Variants in PSMD11 observed in about 807,000 individuals in gnomAD.
PSMD11 encodes proteasome 26S subunit, non-ATPase 11, also known as 26S proteasome non-ATPase regulatory subunit 11.
PSMD11 carries 5 observed loss-of-function variants against 62.3 expected under a neutral mutation model. The observed-to-expected ratio is 0.08, with a 90% CI of 0.04 to 0.17. The LOEUF (loss-of-function observed/expected upper bound fraction) is 0.17. PSMD11 is among the 10% of genes least tolerant of loss of function. PSMD11 has a pLI of 1.00. For missense variants in PSMD11, 310 were observed against 512.9 expected (o/e 0.60, Z 3.82); for synonymous variants, 191 against 191.8 (o/e 1.00, Z 0.03).
At chr17:32,451,513 G>A (rs992236231) in intron 2 of PSMD11, among the ~76,000 whole-genome samples, 3 of 152,140 alleles carry the variant, frequency 2.0e-5, no homozygotes, top group Admixed American at 2.0e-4. Flanking sequence ...GGAAGATGAG[G>A]CAAATGTTAT....
chr17:32,473,737 C>T, intron 6 of PSMD11, 64 bp from the exon 7 acceptor site: 1 of 1,567,288 alleles, frequency 6.4e-7, no homozygotes, highest in Non-Finnish European at 8.7e-7. Context: ...AGCTGCCTCC[C>T]AGCTCTGATC....
chr17:32,464,666 AT>A, intron 5 of PSMD11, 88 bp downstream of exon 5: 1 of 1,000,546 alleles, frequency 1.0e-6, no homozygotes, highest in Non-Finnish European at 1.5e-6. Context: ...CCTGTTAATA[AT>A]TTATATTCTA....
At chr17:32,449,002 G>C (rs995319061) in intron 2 of PSMD11, among the ~76,000 whole-genome samples, 2 of 152,176 alleles carry the variant, frequency 1.3e-5, no homozygotes, top group Admixed American at 6.5e-5. Flanking sequence ...TTGTCTGTCA[G>C]TTAATTTGAG....
intron 3 of PSMD11, among the ~76,000 whole-genome samples, chr17:32,457,824 G>A (rs1210345488): frequency 2.0e-5 from 3 of 146,890 alleles, no homozygotes; most frequent in Admixed American, 6.8e-5. Flanking sequence ...TCCCCGAGAT[G>A]GAGTCTTGCT....
intron 5 of PSMD11, among the ~76,000 whole-genome samples, chr17:32,468,626 A>G (rs1908066425): frequency 6.6e-6 from 1 of 152,210 alleles, no homozygotes; most frequent in South Asian, 2.1e-4. Flanking sequence ...CTAGTGCCCC[A>G]GTGTTTCTTA....
chr17:32,446,562 AAT>A (rs1907336641), intron 1 of PSMD11, among the ~76,000 whole-genome samples: 1 of 152,224 alleles, frequency 6.6e-6, no homozygotes, highest in Non-Finnish European at 1.5e-5. Context: ...AGGCATGTTT[AAT>A]ATCTTCCCAT....
chr17:32,451,102 CT>C (rs1246826357), intron 2 of PSMD11, among the ~76,000 whole-genome samples: 1 of 144,762 alleles, frequency 6.9e-6, no homozygotes, highest in African/African-American at 2.6e-5. Context: ...GCCTGGGTGA[CT>C]GAGTGAGGCT....
At chr17:32,477,631 C>A in intron 9 of PSMD11, 48 bp downstream of exon 9, 1 of 1,455,480 alleles carries the variant, frequency 6.9e-7, no homozygotes, top group Non-Finnish European at 9.5e-7. Context: ...AAGAGAGGGA[C>A]GTTTAAGTAC....
chr17:32,448,355 C>A (rs1907389798), intron 2 of PSMD11, among the ~76,000 whole-genome samples: 1 of 145,458 alleles, frequency 6.9e-6, no homozygotes, highest in South Asian at 2.2e-4. Context: ...GTGCTATGAA[C>A]TTTTTTTTTT....
chr17:32,448,655 G>A (rs896410800), intron 2 of PSMD11, among the ~76,000 whole-genome samples: 1 of 152,122 alleles, frequency 6.6e-6, no homozygotes, highest in Non-Finnish European at 1.5e-5. Context: ...TTACAGGTGT[G>A]AGCCACTGCA....
chr17:32,472,963 C>T (rs1289107410), intron 6 of PSMD11, among the ~76,000 whole-genome samples: 2 of 151,086 alleles, frequency 1.3e-5, no homozygotes, highest in Non-Finnish European at 3.0e-5. Flanking sequence ...CAAGACTAGC[C>T]TGGCGAACAT....
chr17:32,449,812 ATGTC>A (rs1206122805), intron 2 of PSMD11, among the ~76,000 whole-genome samples: 1 of 152,206 alleles, frequency 6.6e-6, no homozygotes, highest in East Asian at 1.9e-4. Flanking sequence ...AACAGAAAAT[ATGTC>A]TGTTCCATTA....
At chr17:32,461,799 C>A (rs1273841891) in intron 3 of PSMD11, among the ~76,000 whole-genome samples, 2 of 152,140 alleles carry the variant, frequency 1.3e-5, no homozygotes, top group African/African-American at 4.8e-5. Flanking sequence ...TAGGTGAATT[C>A]ATCTTATACA....
intron 5 of PSMD11, among the ~76,000 whole-genome samples, chr17:32,468,605 C>G (rs1202102472): frequency 6.6e-6 from 1 of 152,166 alleles, no homozygotes; most frequent in African/African-American, 2.4e-5. Flanking sequence ...CTCTTTACTT[C>G]CTTCATCAAC....
intron 9 of PSMD11, 87 bp downstream of exon 9, chr17:32,477,670 A>G: frequency 7.9e-7 from 1 of 1,266,818 alleles, no homozygotes. Flanking sequence ...AAATAATTAT[A>G]GTTTCAAAAG....
At chr17:32,468,651 T>C (rs1379324581) in intron 5 of PSMD11, among the ~76,000 whole-genome samples, 7 of 152,216 alleles carry the variant, frequency 4.6e-5, no homozygotes, top group Admixed American at 4.6e-4. Context: ...GCCTTGTGAT[T>C]GCTAGACAAG....
rs2302277 is a variant in PSMD11, at chr17:32,464,491, C to T, written c.391-30C>T. 2.0e-5 allele frequency: 31 copies of T among 1,542,714 alleles called. 1 individual carries two copies. In the South Asian group the frequency reaches 2.1e-4, roughly 11 times the overall value. On this transcript the variant is annotated intron_variant, in intron 4 of 13. Coordinates refer to ENST00000261712, the MANE Select transcript of PSMD11 (RefSeq NM_002815.4). ...TTTCTTTCTGTGGCTTTTTCCCCCC[C>T]CTTCAATCAATGCCTTTTCTCTTTC... is the stretch of plus-strand genomic sequence containing the variant.
chr17:32,464,867 G>C (rs892817817), intron 5 of PSMD11, among the ~76,000 whole-genome samples: 1 of 152,070 alleles, frequency 6.6e-6, no homozygotes, highest in African/African-American at 2.4e-5. Context: ...TAAAAAAAGT[G>C]TATCTATATT....
chr17:32,479,640 G>C, intron 10 of PSMD11: 1 of 707,182 alleles, frequency 1.4e-6, no homozygotes. Flanking sequence ...CCTGTTTTCT[G>C]TATTGGGTGT....
Sources: allele counts gnomAD v4.1 joint callset (sites outside exome capture counted in the v4.1 genomes callset), GRCh38; gene constraint gnomAD v4.1.1; transcripts MANE v1.5; gene names NCBI Gene and HGNC (gene_info 2026-07-23, HGNC 2026-07-21).